SFMBT1: variants seen among roughly 807,000 people sequenced by gnomAD.
SFMBT1 encodes the protein scm-like with four MBT domains protein 1.
A neutral mutation model predicts 108.7 loss-of-function variants in SFMBT1; 32 were observed. The observed-to-expected ratio is 0.29, with a 90% CI of 0.22 to 0.40. The LOEUF (loss-of-function observed/expected upper bound fraction) is 0.40. Among genes scored for constraint, SFMBT1 ranks in the 10% least tolerant of loss-of-function variants. SFMBT1 has a pLI of 1.00. For synonymous variants in SFMBT1, 348 were observed against 369.5 expected (o/e 0.94, Z 0.67); for missense variants, 816 against 1,059.6 (o/e 0.77, Z 3.19).
In SFMBT1 at chr3:53,005,114, C is replaced by A. The variant is rs184235955; in HGVS notation, c.-130-35856G>T. Among the ~76,000 whole-genome samples the A allele has an allele frequency of 1.9e-3, 294 of 152,208 alleles. 1 individual carries two copies. The highest frequency in any genetic ancestry group is 0.01 in the Middle Eastern group (3 of 294). ...TCAGGTCACTTTTCTTATCAAACAG[C>A]AAAAACTTATTCGAGATTACATAAA... is the stretch of plus-strand genomic sequence containing the variant. On this transcript the variant is annotated intron_variant, in intron 1 of 20. Coordinates refer to ENST00000394752, the MANE Select transcript of SFMBT1 (RefSeq NM_016329.4).
chr3:53,020,733 G>C (rs553041967), intron 1 of SFMBT1, among the ~76,000 whole-genome samples: 15 of 152,282 alleles, frequency 9.9e-5, no homozygotes, highest in African/African-American at 2.9e-4. Context: ...CTTCCACCCA[G>C]AGTTTTGTAA....
chr3:53,030,597 G>A (rs889297554), intron 1 of SFMBT1, among the ~76,000 whole-genome samples: 1 of 151,122 alleles, frequency 6.6e-6, no homozygotes, highest in Admixed American at 6.6e-5. Context: ...CAGTAAAACA[G>A]GGGAGACTGG....
At chr3:52,995,779 T>C (rs1698304915) in intron 1 of SFMBT1, among the ~76,000 whole-genome samples, 1 of 149,952 alleles carries the variant, frequency 6.7e-6, no homozygotes, top group Non-Finnish European at 1.5e-5. Context: ...AAACGTTTGC[T>C]CTTCAGGCCA....
chr3:52,977,489 T>A (rs773002372), intron 1 of SFMBT1, among the ~76,000 whole-genome samples: 11 of 151,610 alleles, frequency 7.3e-5, no homozygotes, highest in Non-Finnish European at 1.5e-4. Context: ...CAGGCGACAG[T>A]GTGAGACTTC....
chr3:52,967,485 T>A (rs1003327830), intron 2 of SFMBT1, among the ~76,000 whole-genome samples: 1 of 152,298 alleles, frequency 6.6e-6, no homozygotes, highest in South Asian at 2.1e-4. Context: ...GCAGTGATGG[T>A]TGGAAAACTT....
intron 1 of SFMBT1, among the ~76,000 whole-genome samples, chr3:52,987,792 G>C (rs1704978487): frequency 6.6e-6 from 1 of 152,234 alleles, no homozygotes; most frequent in Non-Finnish European, 1.5e-5. Flanking sequence ...CACCTAGACA[G>C]ATGCTGCCAT....
intron 1 of SFMBT1, among the ~76,000 whole-genome samples, chr3:52,997,047 C>A (rs1373298778): frequency 2.0e-5 from 3 of 146,402 alleles, no homozygotes; most frequent in African/African-American, 7.4e-5. Context: ...CCAGCCTGGG[C>A]GACTGAGCGA....
At chr3:52,925,031 G>A (rs1359726933) in intron 10 of SFMBT1, among the ~76,000 whole-genome samples, 2 of 152,092 alleles carry the variant, frequency 1.3e-5, no homozygotes, top group African/African-American at 4.8e-5. Context: ...GACCAGCCTG[G>A]CCAACATGGT....
At chr3:52,962,808 CAAA>C (rs369325114) in intron 2 of SFMBT1, among the ~76,000 whole-genome samples, 5 of 101,456 alleles carry the variant, frequency 4.9e-5, no homozygotes, top group Non-Finnish European at 7.3e-5. Context: ...CTCCCTGTCT[CAAA>C]AAAAAAAAAA....
At chr3:52,958,275 G>A (rs1339892955) in intron 2 of SFMBT1, among the ~76,000 whole-genome samples, 3 of 152,208 alleles carry the variant, frequency 2.0e-5, no homozygotes, top group Admixed American at 6.5e-5. Context: ...TCTCACGCCA[G>A]TCAGAATGAT....
At position 52,998,391 on chromosome 3, in the gene SFMBT1, CAAAAA is replaced by C. The variant is rs967819603; in HGVS notation, c.-130-29138_-130-29134del. ...TGGGTGACAGAGAGAGACTCCGTCT[CAAAAA>C]AAAGAAAAGAAAAGAAAAAATGTAG... On this transcript the variant is annotated intron_variant, in intron 1 of 20. Coordinates refer to ENST00000394752, the MANE Select transcript of SFMBT1 (RefSeq NM_016329.4). Among the ~76,000 whole-genome samples the C allele has an allele frequency of 1.3e-5, 2 of 148,658 alleles. 1 individual carries two copies. The highest frequency in any genetic ancestry group is 6.5e-3 in the Middle Eastern group (2 of 310).
rs1400541069 is a variant in SFMBT1 at position 52,984,630 on chromosome 3, C to G, written c.-130-15372G>C. ...ATGTATGTCTTTCAATAATCTCAGG[C>G]ATAAATAATCTTTAAAAATTCATAC... On this transcript the variant is annotated intron_variant, in intron 1 of 20. Transcript: ENST00000394752. Among the ~76,000 whole-genome samples, 6 of 151,348 alleles carry G rather than the reference C, an allele frequency of 4.0e-5. No individual in the cohort carries two copies. The East Asian group carries it at 1.2e-3, about 29-fold the overall frequency.
intron 1 of SFMBT1, among the ~76,000 whole-genome samples, chr3:53,018,730 C>T (rs181314935): frequency 6.6e-6 from 1 of 152,300 alleles, no homozygotes; most frequent in East Asian, 1.9e-4. Context: ...CTTCCAATTG[C>T]TAAATCCAAT....
intron 1 of SFMBT1, among the ~76,000 whole-genome samples, chr3:53,040,967 A>ATTTTTTTTTTTT (rs1559560284): frequency 1.1e-4 from 8 of 72,882 alleles, no homozygotes; most frequent in Non-Finnish European, 1.8e-4. Flanking sequence ...AAGACACCTG[A>ATTTTTTTTTTTT]ATTTTTTTTT....
chr3:52,974,684 C>T (rs565049591), intron 1 of SFMBT1, among the ~76,000 whole-genome samples: 1 of 152,096 alleles, frequency 6.6e-6, no homozygotes, highest in East Asian at 1.9e-4. Context: ...ATCTTAGCCA[C>T]TCATATCATC....
At chr3:53,043,805 C>T (rs555436703) in intron 1 of SFMBT1, among the ~76,000 whole-genome samples, 13 of 152,332 alleles carry the variant, frequency 8.5e-5, no homozygotes, top group African/African-American at 3.1e-4. Context: ...AGCAAAGGGT[C>T]ATGGCCAACA....
chr3:53,012,799 G>A (rs1352545731), intron 1 of SFMBT1, among the ~76,000 whole-genome samples: 4 of 151,732 alleles, frequency 2.6e-5, no homozygotes, highest in Non-Finnish European at 5.9e-5. Flanking sequence ...ATGATTCAAG[G>A]TAATGCAATT....
chr3:52,954,176 A>T, intron 3 of SFMBT1, 141 bp downstream of exon 3: 1 of 621,428 alleles, frequency 1.6e-6, no homozygotes, highest in Non-Finnish European at 2.8e-6. Flanking sequence ...TGTTCTTACT[A>T]AGGGTGGCAG....
chr3:53,009,264 T>C (rs1698861764), intron 1 of SFMBT1, among the ~76,000 whole-genome samples: 1 of 151,760 alleles, frequency 6.6e-6, no homozygotes, highest in Admixed American at 6.6e-5. Flanking sequence ...CAGGCCAACA[T>C]GGTAAAACCC....
Sources: allele counts gnomAD v4.1 joint callset (sites outside exome capture counted in the v4.1 genomes callset), GRCh38; gene constraint gnomAD v4.1.1; transcripts MANE v1.5; gene names NCBI Gene and HGNC (gene_info 2026-07-23, HGNC 2026-07-21).